Variants in PRKCE observed in about 807,000 individuals in gnomAD.
PRKCE encodes protein kinase C epsilon, also known as protein kinase C epsilon type.
PRKCE carries 16 observed loss-of-function variants against 85.4 expected under a neutral mutation model. The observed-to-expected ratio is 0.19, with a 90% confidence interval of 0.13 to 0.28. The LOEUF is 0.28. PRKCE is among the 10% of genes least tolerant of loss of function. PRKCE has a pLI of 1.00. For missense variants in PRKCE, 573 were observed against 975.2 expected, an observed-to-expected ratio of 0.59 and a Z score of 5.49; for synonymous variants, 388 against 371.5, an observed-to-expected ratio of 1.04 and a Z score of -0.51.
chr2:45,886,916 T>A (rs985274473), intron 2 of PRKCE, among the ~76,000 whole-genome samples: 6 of 152,206 alleles, frequency 3.9e-5, no homozygotes, highest in African/African-American at 1.4e-4. Flanking sequence ...TCCAAAGACC[T>A]TTCGGGTCTA....
chr2:45,801,463 G>A (rs938673277), intron 1 of PRKCE, among the ~76,000 whole-genome samples: 2 of 151,936 alleles, frequency 1.3e-5, no homozygotes, highest in Non-Finnish European at 2.9e-5. Flanking sequence ...GAGCAGTGGA[G>A]AAGGGGGTAA....
chr2:45,794,854 C>CCCA (rs1553413012), intron 1 of PRKCE, among the ~76,000 whole-genome samples: 14 of 151,306 alleles, frequency 9.3e-5, no homozygotes, highest in Admixed American at 8.6e-4. Flanking sequence ...TACCCCCCCC[C>CCCA]CCATCCACCA....
chr2:45,804,065 G>T (rs1688067727), intron 1 of PRKCE, among the ~76,000 whole-genome samples: 1 of 152,200 alleles, frequency 6.6e-6, no homozygotes, highest in African/African-American at 2.4e-5. Flanking sequence ...GTCCTGGGTT[G>T]CCTGGGCTAT....
intron 10 of PRKCE, among the ~76,000 whole-genome samples, chr2:46,057,885 G>T (rs1300878050): frequency 6.6e-6 from 1 of 152,172 alleles, no homozygotes; most frequent in African/African-American, 2.4e-5. Flanking sequence ...AAAGATCTGA[G>T]TATAAATACC....
At chr2:46,046,266 C>T (rs1038174740) in intron 10 of PRKCE, among the ~76,000 whole-genome samples, 3 of 152,218 alleles carry the variant, frequency 2.0e-5, no homozygotes, top group Admixed American at 2.0e-4. Context: ...AGCAGCCAGC[C>T]TCCTGTCTCC....
chr2:45,712,585 A>T (rs1418389839), intron 1 of PRKCE, among the ~76,000 whole-genome samples: 1 of 152,094 alleles, frequency 6.6e-6, no homozygotes, highest in Non-Finnish European at 1.5e-5. Context: ...GAAGCTCTGG[A>T]CCAATTGGCC....
chr2:45,784,619 A>G (rs1374221984), intron 1 of PRKCE, among the ~76,000 whole-genome samples: 1 of 152,150 alleles, frequency 6.6e-6, no homozygotes, highest in Non-Finnish European at 1.5e-5. Flanking sequence ...AGAACAGGGC[A>G]TCTCCTAGCT....
At chr2:45,834,199 A>C (rs1403220709) in intron 1 of PRKCE, among the ~76,000 whole-genome samples, 1 of 152,198 alleles carries the variant, frequency 6.6e-6, no homozygotes, top group Non-Finnish European at 1.5e-5. Context: ...AGAGTTTCAC[A>C]AGAAGATAAT....
intron 1 of PRKCE, among the ~76,000 whole-genome samples, chr2:45,734,308 T>C (rs1681853948): frequency 6.7e-6 from 1 of 149,532 alleles, no homozygotes; most frequent in Non-Finnish European, 1.5e-5. Flanking sequence ...GAGGTTGCAG[T>C]GAACAGAGAT....
chr2:46,107,888 C>T lies in PRKCE; in HGVS notation c.1592+21526C>T, dbSNP rs1335431862. Among the ~76,000 whole-genome samples, 3 of 152,074 alleles carry T rather than the reference C, an allele frequency of 2.0e-5. No individual in the cohort carries two copies. The East Asian group carries it at 5.8e-4, about 29-fold the overall frequency. On this transcript the variant is annotated intron_variant, in intron 11 of 14. Transcript: ENST00000306156. ...AAGGTATCCTTACAGATCTTTTGCC[C>T]ATTTTTTAATTGAGTTGTTTTCTTA...
intron 1 of PRKCE, among the ~76,000 whole-genome samples, chr2:45,661,613 C>G (rs930459902): frequency 6.9e-6 from 1 of 144,540 alleles, no homozygotes; most frequent in African/African-American, 2.5e-5. Context: ...ACTGCAAGCT[C>G]CGCCTCCCGG....
At position 46,137,150 on chromosome 2, in the gene PRKCE, T is replaced by C. The variant is rs566565113; in HGVS notation, c.1593-7943T>C. On this transcript the variant is annotated intron_variant, in intron 11 of 14. Transcript: ENST00000306156. The stretch of plus-strand genomic sequence containing the variant: ...TTACATCATTCCATCCTGGCAATCC[T>C]ATCCCCAGTTAACAGATAAGAAAAC... Among the ~76,000 whole-genome samples the C allele has an allele frequency of 3.3e-5, 5 of 152,318 alleles. No individual in the cohort carries two copies. In the East Asian group the frequency reaches 5.8e-4, roughly 18 times the overall value.
intron 11 of PRKCE, among the ~76,000 whole-genome samples, chr2:46,141,708 T>A (rs1302530821): frequency 6.7e-6 from 1 of 149,082 alleles, no homozygotes; most frequent in African/African-American, 2.5e-5. Context: ...AAGACCCCCC[T>A]CCTTAAAATA....
chr2:46,166,116 C>T (rs1241365164), intron 14 of PRKCE, among the ~76,000 whole-genome samples: 2 of 152,228 alleles, frequency 1.3e-5, no homozygotes, highest in African/African-American at 2.4e-5. Flanking sequence ...CTCCTGCATG[C>T]TCCTGCATGA....
chr2:46,042,096 C>T (rs567400512), intron 10 of PRKCE, among the ~76,000 whole-genome samples: 33 of 152,266 alleles, frequency 2.2e-4, no homozygotes, highest in Admixed American at 1.9e-3. Flanking sequence ...TTAATATTAA[C>T]ATTATTGAAA....
intron 10 of PRKCE, among the ~76,000 whole-genome samples, chr2:46,079,175 CA>C (rs11452307): frequency 9.2e-4 from 116 of 126,398 alleles, no homozygotes; most frequent in Middle Eastern, 8.0e-3. Context: ...GACTCTGTCT[CA>C]AAAAAAAAAA....
chr2:45,958,870 G>T, intron 2 of PRKCE, among the ~76,000 whole-genome samples: 1 of 102,356 alleles, frequency 9.8e-6, no homozygotes. Context: ...GAATCCTTTA[G>T]CCATCACATT....
intron 11 of PRKCE, among the ~76,000 whole-genome samples, chr2:46,144,624 G>T (rs1013945481): frequency 6.6e-6 from 1 of 152,180 alleles, no homozygotes; most frequent in African/African-American, 2.4e-5. Flanking sequence ...ATGCACATTA[G>T]CTCTCATAGT....
intron 11 of PRKCE, among the ~76,000 whole-genome samples, chr2:46,095,865 T>C (rs754011894): frequency 2.0e-5 from 3 of 152,218 alleles, no homozygotes; most frequent in African/African-American, 4.8e-5. Flanking sequence ...ACAACAATAA[T>C]AGCAAAACAC....
Sources: gnomAD v4.1 joint callset for allele counts (sites outside exome capture counted in the v4.1 genomes callset) on GRCh38, gnomAD v4.1.1 for gene constraint, MANE v1.5 for transcripts, NCBI Gene and HGNC (gene_info 2026-07-23, HGNC 2026-07-21) for gene names.